Variants in IL15 observed in about 807,000 individuals in gnomAD.
The protein encoded by IL15 is interleukin 15, also known as interleukin-15.
IL15 carries 11 observed loss-of-function variants against 19.6 expected under a neutral mutation model. That is an observed-to-expected ratio of 0.56 (90% confidence interval 0.35 to 0.93). The LOEUF (loss-of-function observed/expected upper bound fraction) is 0.93. Ranked by LOEUF, IL15 falls within the 40% of genes least tolerant of loss-of-function variation. The pLI is 0.01. For missense variants in IL15, 197 were observed against 186.5 expected, an observed-to-expected ratio of 1.06 and a Z score of -0.33; for synonymous variants, 58 against 59.6, an observed-to-expected ratio of 0.97 and a Z score of 0.12.
chr4:141,708,457 T>A (rs1357365628), intron 2 of IL15, among the ~76,000 whole-genome samples: 1 of 152,050 alleles, frequency 6.6e-6, no homozygotes, highest in East Asian at 1.9e-4. Flanking sequence ...CAAGGTGGGC[T>A]CCTACTGTGA....
chr4:141,658,168 T>G (rs529783118), intron 2 of IL15, among the ~76,000 whole-genome samples: 1 of 152,280 alleles, frequency 6.6e-6, no homozygotes, highest in South Asian at 2.1e-4. Context: ...TGTTTAAAAG[T>G]GTGTAGCACC....
intron 1 of IL15, among the ~76,000 whole-genome samples, chr4:141,653,686 T>A (rs931924908): frequency 6.6e-6 from 1 of 152,198 alleles, no homozygotes; most frequent in Non-Finnish European, 1.5e-5. Flanking sequence ...TTACATTGCA[T>A]GCATGTATTA....
chr4:141,650,282 A>T (rs1263821614), intron 1 of IL15, among the ~76,000 whole-genome samples: 2 of 152,096 alleles, frequency 1.3e-5, no homozygotes, highest in Non-Finnish European at 2.9e-5. Flanking sequence ...AGCAAATTAC[A>T]ATATAGTAGA....
chr4:141,639,921 A>G (rs1265623957), intron 1 of IL15, among the ~76,000 whole-genome samples: 1 of 152,126 alleles, frequency 6.6e-6, no homozygotes, highest in Non-Finnish European at 1.5e-5. Flanking sequence ...TTGATGGTAA[A>G]TTTCACTAAT....
intron 2 of IL15, chr4:141,718,706 A>G (rs1729974719): frequency 6.6e-6 from 1 of 152,154 alleles, no homozygotes; most frequent in Non-Finnish European, 1.5e-5. Flanking sequence ...TTCAGTGAAT[A>G]TTTATGTCAT....
chr4:141,669,585 A>G (rs1469554587), intron 2 of IL15, among the ~76,000 whole-genome samples: 2 of 152,182 alleles, frequency 1.3e-5, no homozygotes, highest in African/African-American at 2.4e-5. Context: ...ATAGAGAGTT[A>G]AAAGAAGAGA....
In IL15 at chr4:141,636,756, G is replaced by C. The variant is rs1487544582; in HGVS notation, c.-222+8G>C. The stretch of plus-strand genomic sequence containing the variant: ...AGCCAGGACTCGATGGAGGTACAGA[G>C]CTCGGCTTCTTTGCCTTGGGAGGGG... On this transcript the variant is annotated splice_region_variant and intron_variant, in intron 1 of 7. Coordinates refer to ENST00000320650, the MANE Select transcript of IL15 (RefSeq NM_000585.5). 6.6e-6 allele frequency: 1 copy of C among 152,084 alleles called. No homozygotes were observed. Among genetic ancestry groups the C allele is most frequent in the Non-Finnish European group, 1.5e-5 (1 of 68,096 alleles). 9.4% of individuals were successfully genotyped at this position (152,084 alleles called of 1,614,324 possible).
intron 1 of IL15, among the ~76,000 whole-genome samples, chr4:141,642,436 T>G (rs780436810): frequency 1.8e-4 from 27 of 152,160 alleles, no homozygotes; most frequent in Non-Finnish European, 3.4e-4. Flanking sequence ...TTGGGATATA[T>G]AGTTCAGCCT....
chr4:141,696,288 A>T (rs903226332), intron 2 of IL15, among the ~76,000 whole-genome samples: 3 of 152,040 alleles, frequency 2.0e-5, no homozygotes, highest in Non-Finnish European at 4.4e-5. Flanking sequence ...AAATTGGTCT[A>T]TGAGTCTGTT....
intron 2 of IL15, among the ~76,000 whole-genome samples, chr4:141,709,220 CTT>C (rs1006063845): frequency 5.9e-5 from 9 of 151,994 alleles, no homozygotes; most frequent in Middle Eastern, 3.4e-3. Context: ...ATGTTTGAGA[CTT>C]TATTTTAGAT....
intron 2 of IL15, among the ~76,000 whole-genome samples, chr4:141,693,897 T>G (rs1375475398): frequency 6.6e-6 from 1 of 152,142 alleles, no homozygotes; most frequent in Non-Finnish European, 1.5e-5. Flanking sequence ...TAGGCAGTAG[T>G]TGGAAGAATT....
chr4:141,710,854 A>G (rs1441405622), intron 2 of IL15, among the ~76,000 whole-genome samples: 1 of 152,010 alleles, frequency 6.6e-6, no homozygotes, highest in African/African-American at 2.4e-5. Flanking sequence ...GTGTATTTCA[A>G]ATTATCACAA....
At position 141,732,762 on chromosome 4, in the gene IL15, G is replaced by A; in HGVS notation, c.403G>A (p.Glu135Lys). 1 of 1,612,256 alleles carries A rather than the reference G, an allele frequency of 6.2e-7. No homozygotes were observed. Residue 135 changes from glutamate (E) to lysine (K), a missense_variant, in exon 8 of 8, where the codon GAA becomes AAA. Transcript: ENST00000320650. ...NGNVTESGCK[E>K]CEELEEKNIK... is the part of the protein sequence containing the mutation. ...GAATGTAACAGAATCTGGATGCAAA[G>A]AATGTGAGGAACTGGAGGAAAAAAA...
chr4:141,636,984 G>T (rs1726877795), intron 1 of IL15: 1 of 152,284 alleles, frequency 6.6e-6, no homozygotes, highest in Non-Finnish European at 1.5e-5. Context: ...CCCGCTTCCG[G>T]AGGAGCGCAG....
At chr4:141,667,507 A>G (rs961830899) in intron 2 of IL15, among the ~76,000 whole-genome samples, 11 of 152,188 alleles carry the variant, frequency 7.2e-5, no homozygotes, top group African/African-American at 2.7e-4. Context: ...GTGGTGTGAG[A>G]GTAGAGAAAA....
At chr4:141,639,911 T>C (rs1726986926) in intron 1 of IL15, among the ~76,000 whole-genome samples, 1 of 152,200 alleles carries the variant, frequency 6.6e-6, no homozygotes, top group South Asian at 2.1e-4. Context: ...TAACACCTAT[T>C]TGATGGTAAA....
chr4:141,681,124 T>C (rs942196868), intron 2 of IL15, among the ~76,000 whole-genome samples: 2 of 152,326 alleles, frequency 1.3e-5, no homozygotes, highest in East Asian at 1.9e-4. Flanking sequence ...TTTACCTTAA[T>C]TGAGTACAGT....
intron 2 of IL15, among the ~76,000 whole-genome samples, chr4:141,706,098 A>T (rs1174768925): frequency 6.6e-6 from 1 of 151,794 alleles, no homozygotes; most frequent in Non-Finnish European, 1.5e-5. Context: ...ACATTAAAAA[A>T]ATTACTTTCT....
rs572693155 is a variant in IL15 at position 141,684,003 on chromosome 4, G to A, written c.-100+27696G>A. Among the ~76,000 whole-genome samples, 27 of 152,154 alleles carry A rather than the reference G, an allele frequency of 1.8e-4. No homozygotes were observed. In the South Asian group the frequency reaches 4.2e-3, roughly 23 times the overall value. ...CTTGATACATAGCAGGGTTTTCTTC[G>A]CCAAAAATACACTTATGGAAGCAAC... On this transcript the variant is annotated intron_variant, in intron 2 of 7. Transcript: ENST00000320650.
Sources: gnomAD v4.1 joint callset for allele counts (sites outside exome capture counted in the v4.1 genomes callset) on GRCh38, gnomAD v4.1.1 for gene constraint, MANE v1.5 for transcripts, NCBI Gene and HGNC (gene_info 2026-07-23, HGNC 2026-07-21) for gene names.